Variants in ATG16L1 observed in about 807,000 individuals in gnomAD.
The protein encoded by ATG16L1 is autophagy-related protein 16-1.
ATG16L1 carries 37 observed loss-of-function variants against 88.5 expected under a neutral mutation model. The ratio of observed to expected loss-of-function variants is 0.42; its 90% CI spans 0.32 to 0.55. The LOEUF (loss-of-function observed/expected upper bound fraction) is 0.55. Among genes scored for constraint, ATG16L1 ranks in the 20% least tolerant of loss-of-function variants. The pLI is 0.13. For missense variants in ATG16L1, 554 were observed against 752.8 expected (o/e 0.74, Z 3.09); for synonymous variants, 301 against 281.0 (o/e 1.07, Z -0.71).
intron 9 of ATG16L1, chr2:233,275,975 C>T (rs531160258): frequency 1.9e-6 from 1 of 518,954 alleles, no homozygotes; most frequent in Admixed American, 1.9e-5. Context: ...TGTGATGGTG[C>T]ATGATCTCAA....
At chr2:233,261,365 A>G (rs1697199239) in intron 2 of ATG16L1, among the ~76,000 whole-genome samples, 1 of 152,216 alleles carries the variant, frequency 6.6e-6, no homozygotes, top group South Asian at 2.1e-4. Context: ...CCAGGGCAAC[A>G]TAGTGAGATA....
chr2:233,294,384 C>T lies in ATG16L1; in HGVS notation c.*34C>T. On this transcript the variant is annotated 3_prime_UTR_variant, in exon 18 of 18. Transcript: ENST00000392017. ...TCAGGGCTGGGAGGACCCCAGTGCC[C>T]TCCTCAGAAGAAGCACATGGGCTCC... 6.4e-7 allele frequency: 1 copy of T among 1,571,638 alleles called. No individual in the cohort carries two copies. Among genetic ancestry groups the T allele is most frequent in the Non-Finnish European group, 8.7e-7 (1 of 1,144,504 alleles).
intron 12 of ATG16L1, among the ~76,000 whole-genome samples, chr2:233,286,374 T>G (rs1468982580): frequency 6.6e-6 from 1 of 152,184 alleles, no homozygotes; most frequent in Non-Finnish European, 1.5e-5. Flanking sequence ...CCGCTATTGT[T>G]AATCCCTGTT....
At chr2:233,292,051 C>T (rs907174591) in intron 14 of ATG16L1, 77 bp from the exon 15 acceptor site, 2 of 1,540,848 alleles carry the variant, frequency 1.3e-6, no homozygotes, top group African/African-American at 1.4e-5. Flanking sequence ...AATTGCAGTG[C>T]CTTTTTTTTC....
At chr2:233,283,038 T>A in intron 12 of ATG16L1, 1 of 339,024 alleles carries the variant, frequency 2.9e-6, no homozygotes, top group East Asian at 6.3e-5. Context: ...TTTGGCTTAA[T>A]GGCACAGAAC....
At chr2:233,280,760 G>A (rs7585217) in intron 10 of ATG16L1, among the ~76,000 whole-genome samples, 10,684 of 152,246 alleles carry the variant, frequency 0.07, 434 homozygotes, top group South Asian at 0.15. Flanking sequence ...CTGAGAAATA[G>A]TGGAACTGAA....
intron 9 of ATG16L1, chr2:233,275,533 A>T (rs867680348): frequency 1.0e-4 from 37 of 352,670 alleles, no homozygotes; most frequent in South Asian, 1.9e-4. Flanking sequence ...TGGAATTTAT[A>T]TGGTGGGAGC....
intron 7 of ATG16L1, chr2:233,273,301 A>G (rs1698115716): frequency 7.6e-6 from 4 of 525,484 alleles, no homozygotes; most frequent in Non-Finnish European, 1.4e-5. Flanking sequence ...TTACTCAAAT[A>G]TGGACAGTGA....
rs529778954 is a variant in ATG16L1 at position 233,287,707 on chromosome 2, G to A, written c.1204-2147G>A. ...AGCCTGGCCAACATGGTAAAACCCC[G>A]TCTCTACTAAAAATACAAAAATTAG... On this transcript the variant is annotated intron_variant, in intron 12 of 17. Coordinates refer to ENST00000392017, the MANE Select transcript of ATG16L1 (RefSeq NM_030803.7). Among the ~76,000 whole-genome samples, 7 of 152,232 alleles carry A rather than the reference G, an allele frequency of 4.6e-5. No individual in the cohort carries two copies. The East Asian group carries it at 1.2e-3, about 25-fold the overall frequency.
Position 233,273,732 on chromosome 2 carries a change from C to A in ATG16L1, c.806C>A (p.Ser269Ter). 1 of 1,614,172 alleles carries A rather than the reference C, an allele frequency of 6.2e-7. No homozygotes were observed. Among genetic ancestry groups the A allele is most frequent in the Non-Finnish European group, 8.5e-7 (1 of 1,180,022 alleles). ...CCCCTCCTCTTTAGTAAGCGACTCT[C>A]GCAGCCTGCTGGAGGCCTTCTGGAT... ...AISRAATKRL[S>*]QPAGGLLDSI... is the part of the protein sequence containing the mutation. The change falls in exon 8 of 18, where the codon TCG (serine) becomes TAG (stop). Residue 269 changes from serine (S) to a stop codon, truncating the protein, a stop_gained. Coordinates refer to ENST00000392017, the MANE Select transcript of ATG16L1 (RefSeq NM_030803.7). LOFTEE classifies it high-confidence loss of function.
At chr2:233,274,146 C>T (rs1452712524) in intron 8 of ATG16L1, 5 of 1,239,012 alleles carry the variant, frequency 4.0e-6, no homozygotes, top group South Asian at 1.4e-5. Context: ...CACGTGCTAA[C>T]GAGGATGCTT....
intron 2 of ATG16L1, among the ~76,000 whole-genome samples, chr2:233,262,265 C>T (rs150866826): frequency 1.2e-4 from 18 of 152,310 alleles, no homozygotes; most frequent in African/African-American, 3.6e-4. Context: ...TGGTCTGAGC[C>T]GCACTGTCCC....
chr2:233,279,037 G>A (rs1470259857), intron 10 of ATG16L1, among the ~76,000 whole-genome samples: 1 of 152,192 alleles, frequency 6.6e-6, no homozygotes, highest in Non-Finnish European at 1.5e-5. Context: ...AAGTAGCTGG[G>A]TGTGTTGGCA....
chr2:233,288,946 T>C (rs1699268320), intron 12 of ATG16L1: 2 of 514,334 alleles, frequency 3.9e-6, no homozygotes, highest in African/African-American at 1.9e-5. Context: ...AGACCTCTGA[T>C]TGAAAATCCC....
At chr2:233,265,436 T>C (rs1435646255) in intron 5 of ATG16L1, among the ~76,000 whole-genome samples, 2 of 152,176 alleles carry the variant, frequency 1.3e-5, no homozygotes, top group African/African-American at 4.8e-5. Context: ...TATATGAATA[T>C]AGATGTGAAA....
Position 233,290,204 on chromosome 2 carries a change from C to T in ATG16L1, c.1325-44C>T, listed in dbSNP as rs780475198. The T allele has an allele frequency of 1.8e-5, 28 of 1,593,008 alleles. No individual in the cohort carries two copies. In the East Asian group the frequency reaches 2.9e-4, roughly 17 times the overall value. ...GGTGGCAGCATTATGTAAACAGCCA[C>T]GTTGGTGCCTCTGCTTGATTAATGA... On this transcript the variant is annotated intron_variant, in intron 13 of 17. Transcript: ENST00000392017.
chr2:233,266,780 A>G (rs753889161), intron 5 of ATG16L1, among the ~76,000 whole-genome samples: 8 of 152,248 alleles, frequency 5.3e-5, no homozygotes, highest in Non-Finnish European at 1.2e-4. Context: ...ACACACACAC[A>G]ATGGAATATT....
chr2:233,255,467 C>G (rs1696714009), intron 1 of ATG16L1, among the ~76,000 whole-genome samples: 1 of 152,194 alleles, frequency 6.6e-6, no homozygotes, highest in Non-Finnish European at 1.5e-5. Context: ...TGACTTTTTA[C>G]CAATACAGAT....
In ATG16L1 at chr2:233,292,138, A is replaced by G. The variant is rs1299314612; in HGVS notation, c.1441A>G (p.Ile481Val). Residue 481 changes from isoleucine (I) to valine (V), a missense_variant, in exon 15 of 18, where the codon ATA (isoleucine) becomes GTA (valine). Physicochemically the swap from Ile to Val is conservative, Grantham distance 29. Transcript: ENST00000392017. Reference sequence around the variant, plus strand: ...TGTTCTCCCTCTTAGATCAGAGAGCATAGTTCGAGAGATGGAGCTGTTGGG... The same window carrying G: ...TGTTCTCCCTCTTAGATCAGAGAGCGTAGTTCGAGAGATGGAGCTGTTGGG... Reference protein sequence around the residue: ...IRFWDIRSESIVREMELLGKI... With the variant: ...IRFWDIRSESVVREMELLGKI... 4 of 1,614,248 alleles carry G rather than the reference A, an allele frequency of 2.5e-6. No individual in the cohort carries two copies. The highest frequency in any genetic ancestry group is 2.5e-6 in the Non-Finnish European group (3 of 1,180,046).
Sources: allele counts gnomAD v4.1 joint callset (sites outside exome capture counted in the v4.1 genomes callset), GRCh38; gene constraint gnomAD v4.1.1; transcripts MANE v1.5; gene names NCBI Gene and HGNC (gene_info 2026-07-23, HGNC 2026-07-21).